PTPRG: variants seen among roughly 807,000 people sequenced by gnomAD.
PTPRG encodes the protein receptor-type tyrosine-protein phosphatase gamma.
A neutral mutation model predicts 165.3 loss-of-function variants in PTPRG; 102 were observed. The observed-to-expected ratio is 0.62, with a 90% CI of 0.53 to 0.73. The LOEUF is 0.73. Ranked by LOEUF, PTPRG falls within the 30% of genes least tolerant of loss-of-function variation. PTPRG has a pLI of 0.00. For synonymous variants in PTPRG, 675 were observed against 669.5 expected (o/e 1.01, Z -0.13); for missense variants, 1,866 against 1,861.4 (o/e 1.00, Z -0.05).
intron 3 of PTPRG, among the ~76,000 whole-genome samples, chr3:61,993,286 C>G (rs937983076): frequency 3.3e-5 from 5 of 151,692 alleles, no homozygotes; most frequent in African/African-American, 9.7e-5. Flanking sequence ...GGTGTGATCT[C>G]AGCTCACCGC....
intron 4 of PTPRG, among the ~76,000 whole-genome samples, chr3:62,005,935 T>C (rs2041287955): frequency 6.6e-6 from 1 of 152,104 alleles, no homozygotes; most frequent in Non-Finnish European, 1.5e-5. Flanking sequence ...ATTCCTGACT[T>C]CAAATGATCC....
intron 2 of PTPRG, among the ~76,000 whole-genome samples, chr3:61,807,425 T>C (rs1270067029): frequency 6.6e-6 from 1 of 152,224 alleles, no homozygotes; most frequent in Admixed American, 6.5e-5. Flanking sequence ...GAACTTAGTT[T>C]TGACCCTGAG....
chr3:62,059,943 C>T (rs1361969229), intron 4 of PTPRG, among the ~76,000 whole-genome samples: 1 of 152,068 alleles, frequency 6.6e-6, no homozygotes, highest in African/African-American at 2.4e-5. Flanking sequence ...CTGAGGCCTC[C>T]CCAGCTGTAC....
intron 4 of PTPRG, among the ~76,000 whole-genome samples, chr3:62,026,702 C>T (rs184894818): frequency 1.6e-4 from 24 of 151,996 alleles, no homozygotes; most frequent in African/African-American, 5.1e-4. Flanking sequence ...CTGGCTAACA[C>T]GGTGAAACCC....
chr3:61,655,178 C>T (rs1407157680), intron 1 of PTPRG, among the ~76,000 whole-genome samples: 1 of 152,130 alleles, frequency 6.6e-6, no homozygotes, highest in African/African-American at 2.4e-5. Flanking sequence ...GTCGCCGAGT[C>T]CCCTGCCAGA....
intron 4 of PTPRG, among the ~76,000 whole-genome samples, chr3:62,032,698 G>A (rs1051882633): frequency 2.0e-5 from 3 of 152,118 alleles, no homozygotes; most frequent in East Asian, 3.8e-4. Flanking sequence ...CTCATTCAAC[G>A]CCTAACGTGA....
chr3:61,750,874 A>C (rs2033399069), intron 2 of PTPRG: 1 of 152,230 alleles, frequency 6.6e-6, no homozygotes, highest in South Asian at 2.1e-4. Context: ...GGCTGGTTGG[A>C]TAGGGTCCAC....
chr3:62,259,313 C>T (rs563568573), intron 16 of PTPRG, among the ~76,000 whole-genome samples: 39 of 152,238 alleles, frequency 2.6e-4, no homozygotes, highest in Admixed American at 7.9e-4. Context: ...GCAGGGCTGT[C>T]CAATCTTTTG....
intron 2 of PTPRG, among the ~76,000 whole-genome samples, chr3:61,805,293 C>T (rs2035377381): frequency 6.6e-6 from 1 of 152,134 alleles, no homozygotes; most frequent in Non-Finnish European, 1.5e-5. Context: ...CTACAATGCA[C>T]TGGACTGTCC....
chr3:62,183,375 C>A (rs1705735207), intron 8 of PTPRG, among the ~76,000 whole-genome samples: 1 of 152,072 alleles, frequency 6.6e-6, no homozygotes, highest in African/African-American at 2.4e-5. Context: ...ACCAGCCTGG[C>A]CAGCATGGCG....
At chr3:61,925,976 C>G in intron 2 of PTPRG, 2 of 465,658 alleles carry the variant, frequency 4.3e-6, no homozygotes, top group African/African-American at 2.0e-5. Flanking sequence ...ACCAGCAGCA[C>G]CAGCGTCACC....
chr3:61,580,832 T>A (rs1208405828), intron 1 of PTPRG, among the ~76,000 whole-genome samples: 1 of 152,226 alleles, frequency 6.6e-6, no homozygotes, highest in Non-Finnish European at 1.5e-5. Context: ...TTAAGTTACC[T>A]TGGGTAACAG....
intron 5 of PTPRG, among the ~76,000 whole-genome samples, chr3:62,086,076 C>T (rs1365878847): frequency 2.0e-5 from 3 of 152,072 alleles, no homozygotes; most frequent in Non-Finnish European, 4.4e-5. Flanking sequence ...TATGAAGTTT[C>T]GACTTGTAAA....
intron 4 of PTPRG, among the ~76,000 whole-genome samples, chr3:62,055,238 T>C (rs1357932348): frequency 6.6e-6 from 1 of 152,250 alleles, no homozygotes; most frequent in African/African-American, 2.4e-5. Flanking sequence ...TATACCATTA[T>C]ACTCATTTTA....
intron 3 of PTPRG, among the ~76,000 whole-genome samples, chr3:61,999,627 T>A (rs1369571494): frequency 6.6e-6 from 1 of 152,248 alleles, no homozygotes; most frequent in Non-Finnish European, 1.5e-5. Context: ...ATTTATTATT[T>A]TTGTAGTACC....
chr3:62,254,464 G>T lies in PTPRG; in HGVS notation c.2468-660G>T, dbSNP rs1701490265. Among the ~76,000 whole-genome samples, 2 of 152,122 alleles carry T rather than the reference G, an allele frequency of 1.3e-5. No individual in the cohort carries two copies. The highest frequency in any genetic ancestry group is 1.3e-4 in the Admixed American group (2 of 15,268). ...GTGACAACACGAAATAAATGGGAAT[G>T]TGGAGTCTTCCCGAATCTATACCTA... On this transcript the variant is annotated intron_variant, in intron 15 of 29. Coordinates refer to ENST00000474889, the MANE Select transcript of PTPRG (RefSeq NM_002841.4). This position sits in a 1 kb window ranked among gnomAD's most constrained non-coding sequence, Gnocchi z 4.6.
At position 62,054,431 on chromosome 3, in the gene PTPRG, G is replaced by T. The variant is rs144339059; in HGVS notation, c.520-23732G>T. ...TAGTGTCTATAGATCCATTTGTAAG[G>T]ATCAATTTGTCTGAGTAGCTTGCTG... is the stretch of plus-strand genomic sequence containing the variant. On this transcript the variant is annotated intron_variant, in intron 4 of 29. Transcript: ENST00000474889. Among the ~76,000 whole-genome samples, 534 of 152,316 alleles carry T rather than the reference G, an allele frequency of 3.5e-3. 1 individual carries two copies. The highest frequency in any genetic ancestry group is 0.012 in the African/African-American group (499 of 41,566).
At chr3:61,755,230 A>T (rs551273097) in intron 2 of PTPRG, among the ~76,000 whole-genome samples, 1 of 152,052 alleles carries the variant, frequency 6.6e-6, no homozygotes, top group South Asian at 2.1e-4. Flanking sequence ...CTGGTCTCGA[A>T]CTCCTGACCT....
chr3:61,964,376 T>C (rs965497376), intron 2 of PTPRG, among the ~76,000 whole-genome samples: 1 of 152,172 alleles, frequency 6.6e-6, no homozygotes, highest in African/African-American at 2.4e-5. Context: ...TCTTTTCTTA[T>C]GGACTGGGGG....
Sources: gnomAD v4.1 joint callset for allele counts (sites outside exome capture counted in the v4.1 genomes callset) on GRCh38, gnomAD v4.1.1 for gene constraint, Gnocchi (gnomAD v3.1) non-coding constraint, MANE v1.5 for transcripts, NCBI Gene and HGNC (gene_info 2026-07-23, HGNC 2026-07-21) for gene names.